CCSER1: variants seen among roughly 807,000 people sequenced by gnomAD.
CCSER1 encodes serine-rich coiled-coil domain-containing protein 1.
Under a neutral mutation model 82.0 loss-of-function variants are expected in CCSER1, and 41 were observed. The ratio of observed to expected loss-of-function variants is 0.50; its 90% CI spans 0.39 to 0.65. CCSER1 has a LOEUF of 0.65. CCSER1 is among the 30% of genes least tolerant of loss of function. The pLI, the probability that CCSER1 is intolerant of heterozygous loss-of-function variation, is 0.00. For synonymous variants in CCSER1, 414 were observed against 383.9 expected (o/e 1.08, Z -0.92); for missense variants, 1,119 against 1,064.2 (o/e 1.05, Z -0.72).
At chr4:90,304,348 C>T (rs530531586) in intron 1 of CCSER1, among the ~76,000 whole-genome samples, 3 of 152,120 alleles carry the variant, frequency 2.0e-5, no homozygotes, top group South Asian at 2.1e-4. Flanking sequence ...CACATGCACA[C>T]GTATGTTTAT....
intron 10 of CCSER1, among the ~76,000 whole-genome samples, chr4:91,235,410 A>G (rs2149122491): frequency 6.6e-6 from 1 of 152,258 alleles, no homozygotes; most frequent in South Asian, 2.1e-4. Context: ...AAAACCTTCA[A>G]TTTATATTCA....
At chr4:90,267,015 G>T (rs1347404536) in intron 1 of CCSER1, among the ~76,000 whole-genome samples, 1 of 151,932 alleles carries the variant, frequency 6.6e-6, no homozygotes, top group Admixed American at 6.6e-5. Context: ...TGCCACTGTG[G>T]GGTAGAGCAC....
intron 10 of CCSER1, among the ~76,000 whole-genome samples, chr4:91,209,544 G>A (rs946727336): frequency 6.6e-6 from 1 of 151,842 alleles, no homozygotes; most frequent in Non-Finnish European, 1.5e-5. Context: ...AACCCACCTT[G>A]CATCCCAGGG....
chr4:90,169,725 A>G (rs543349105), intron 1 of CCSER1, among the ~76,000 whole-genome samples: 2 of 152,128 alleles, frequency 1.3e-5, no homozygotes. Flanking sequence ...AGCTTCTTCC[A>G]TTCTCACTAC....
chr4:90,611,621 A>G (rs1785516801), intron 5 of CCSER1, among the ~76,000 whole-genome samples: 1 of 151,322 alleles, frequency 6.6e-6, no homozygotes, highest in African/African-American at 2.4e-5. Context: ...TGTATTAATT[A>G]ATAAGCCAAA....
intron 5 of CCSER1, among the ~76,000 whole-genome samples, chr4:90,602,733 G>A (rs955008824): frequency 2.0e-5 from 3 of 152,142 alleles, no homozygotes; most frequent in Non-Finnish European, 4.4e-5. Flanking sequence ...CCCTCCGCAA[G>A]TCTCATGGGG....
chr4:91,048,534 G>A (rs1430098899), intron 9 of CCSER1, among the ~76,000 whole-genome samples: 2 of 152,066 alleles, frequency 1.3e-5, no homozygotes, highest in Non-Finnish European at 2.9e-5. Flanking sequence ...TGTATTATCT[G>A]ATGGTAGAGA....
chr4:91,475,053 G>A (rs566245187), intron 10 of CCSER1, among the ~76,000 whole-genome samples: 2 of 151,856 alleles, frequency 1.3e-5, no homozygotes, highest in African/African-American at 4.8e-5. Context: ...AGGTGAGACA[G>A]TCTCATATAA....
At chr4:91,520,986 A>G (rs1419539656) in intron 10 of CCSER1, among the ~76,000 whole-genome samples, 3 of 141,292 alleles carry the variant, frequency 2.1e-5, no homozygotes, top group Non-Finnish European at 4.6e-5. Context: ...TGCTGCACCC[A>G]TCAACTCGTC....
intron 5 of CCSER1, among the ~76,000 whole-genome samples, chr4:90,589,449 A>C (rs1579325877): frequency 6.6e-6 from 1 of 152,132 alleles, no homozygotes; most frequent in Admixed American, 6.6e-5. Context: ...TAAATATTTT[A>C]TTTGAAAACT....
At chr4:91,411,503 T>TATATATATATATAC (rs1560650376) in intron 10 of CCSER1, among the ~76,000 whole-genome samples, 2 of 63,240 alleles carry the variant, frequency 3.2e-5, no homozygotes, top group African/African-American at 5.5e-5. Flanking sequence ...TATATATATA[T>TATATATATATATAC]ATATATATAT....
At chr4:90,243,575 G>T (rs1252560473) in intron 1 of CCSER1, among the ~76,000 whole-genome samples, 2 of 140,908 alleles carry the variant, frequency 1.4e-5, no homozygotes, top group East Asian at 4.1e-4. Context: ...TTGGGGAGGT[G>T]GGGGGTCTTG....
intron 7 of CCSER1, among the ~76,000 whole-genome samples, chr4:90,762,873 G>A (rs1406255602): frequency 1.3e-5 from 2 of 152,014 alleles, no homozygotes; most frequent in Admixed American, 1.3e-4. Context: ...GTGTATGTGG[G>A]TGGGTCCTAA....
intron 10 of CCSER1, among the ~76,000 whole-genome samples, chr4:91,326,042 T>C (rs1746539247): frequency 6.6e-6 from 1 of 152,086 alleles, no homozygotes; most frequent in Admixed American, 6.6e-5. Context: ...CTCTAATTGC[T>C]AGACTGAGAA....
intron 10 of CCSER1, among the ~76,000 whole-genome samples, chr4:91,347,486 T>A (rs552096451): frequency 7.2e-5 from 11 of 152,112 alleles, no homozygotes; most frequent in South Asian, 2.1e-4. Flanking sequence ...CATTATTATT[T>A]TTTTTTTGCA....
intron 6 of CCSER1, among the ~76,000 whole-genome samples, chr4:90,655,304 G>A (rs898817177): frequency 1.1e-4 from 16 of 152,006 alleles, no homozygotes; most frequent in African/African-American, 3.4e-4. Flanking sequence ...GTTTGATGAA[G>A]TAAAAGATAG....
chr4:90,386,443 C>T lies in CCSER1; in HGVS notation c.1510-13593C>T, dbSNP rs1055508566. The stretch of plus-strand genomic sequence containing the variant: ...AATGGTGCTGGGACAATTGGAGAGG[C>T]ACATGTAGAAGAATGAAACTGGATC... On this transcript the variant is annotated intron_variant, in intron 3 of 10. Transcript: ENST00000509176. Among the ~76,000 whole-genome samples the T allele has an allele frequency of 2.0e-5, 3 of 148,664 alleles. No homozygotes were observed. In the South Asian group the frequency reaches 6.3e-4, roughly 31 times the overall value.
chr4:91,427,022 G>A (rs981632207), intron 10 of CCSER1, among the ~76,000 whole-genome samples: 1 of 152,120 alleles, frequency 6.6e-6, no homozygotes, highest in African/African-American at 2.4e-5. Flanking sequence ...TAACATCATA[G>A]AATAATGATG....
At chr4:90,579,370 A>G (rs1030670539) in intron 5 of CCSER1, among the ~76,000 whole-genome samples, 2 of 152,146 alleles carry the variant, frequency 1.3e-5, no homozygotes, top group African/African-American at 2.4e-5. Flanking sequence ...TGTTTTCCCT[A>G]TGGGAGCAAT....
Sources: allele counts gnomAD v4.1 joint callset (sites outside exome capture counted in the v4.1 genomes callset), GRCh38; gene constraint gnomAD v4.1.1; transcripts MANE v1.5; gene names NCBI Gene and HGNC (gene_info 2026-07-23, HGNC 2026-07-21).